The following NPAS2 variants were observed in gnomAD, a reference collection of about 807,000 sequenced individuals.
NPAS2 encodes neuronal PAS domain protein 2, also known as neuronal PAS domain-containing protein 2.
Under a neutral mutation model 107.5 loss-of-function variants are expected in NPAS2, and 23 were observed. The observed-to-expected ratio is 0.21, with a 90% CI of 0.15 to 0.30. The LOEUF is 0.30. Among genes scored for constraint, NPAS2 ranks in the 10% least tolerant of loss-of-function variants. The pLI, the probability that NPAS2 is intolerant of heterozygous loss-of-function variation, is 1.00. For missense variants in NPAS2, 756 were observed against 1,043.3 expected (o/e 0.72, Z 3.79); for synonymous variants, 403 against 417.5 (o/e 0.97, Z 0.42).
intron 1 of NPAS2, among the ~76,000 whole-genome samples, chr2:100,887,809 C>T (rs1680805573): frequency 6.6e-6 from 1 of 152,136 alleles, no homozygotes; most frequent in South Asian, 2.1e-4. Context: ...AGGGCCTGGG[C>T]TGGTGCCGGC....
At chr2:100,911,264 C>T (rs1277155136) in intron 2 of NPAS2, among the ~76,000 whole-genome samples, 1 of 152,154 alleles carries the variant, frequency 6.6e-6, no homozygotes, top group Non-Finnish European at 1.5e-5. Flanking sequence ...CCCCTTTCTT[C>T]AAGTAATTCT....
intron 17 of NPAS2, 93 bp downstream of exon 17, chr2:100,988,369 A>G (rs1558944290): frequency 9.9e-7 from 1 of 1,009,208 alleles, no homozygotes; most frequent in Non-Finnish European, 1.5e-6. Flanking sequence ...GCCTACGTGA[A>G]CTGAGGCCTA....
intron 10 of NPAS2, among the ~76,000 whole-genome samples, chr2:100,967,022 A>G (rs2105169450): frequency 6.6e-6 from 1 of 152,270 alleles, no homozygotes; most frequent in Non-Finnish European, 1.5e-5. Flanking sequence ...GTCTAGGACC[A>G]CACTGCATAG....
chr2:100,974,957 C>T lies in NPAS2; in HGVS notation c.1282+13C>T, dbSNP rs1354600663. On this transcript the variant is annotated intron_variant, in intron 13 of 20. Coordinates refer to ENST00000335681, the MANE Select transcript of NPAS2 (RefSeq NM_002518.4). ...TCAGAACCCACCTGTGAGTGCGAGT[C>T]CATGGATGGGGAGTGGGATGTCCAC... is the stretch of plus-strand genomic sequence containing the variant. 6.2e-7 allele frequency: 1 copy of T among 1,613,226 alleles called. No homozygotes were observed. Among genetic ancestry groups the T allele is most frequent in the African/African-American group, 1.3e-5 (1 of 74,906 alleles).
intron 14 of NPAS2, 53 bp from the exon 15 acceptor site, chr2:100,977,657 T>C: frequency 6.7e-7 from 1 of 1,489,750 alleles, no homozygotes; most frequent in Non-Finnish European, 9.4e-7. Context: ...ACCACATCCC[T>C]GTCCCCTGGA....
intron 13 of NPAS2, chr2:100,975,170 G>T: frequency 1.7e-6 from 1 of 595,924 alleles, no homozygotes; most frequent in Non-Finnish European, 3.0e-6. Flanking sequence ...AGTGGGTTGT[G>T]CACAGATCTG....
chr2:100,987,972 C>T lies in NPAS2; in HGVS notation c.1630-107C>T. 6 of 1,176,590 alleles carry T rather than the reference C, an allele frequency of 5.1e-6. No homozygotes were observed. In the South Asian group the frequency reaches 7.0e-5, roughly 14 times the overall value. The allele number at this position is 1,176,590 out of a possible 1,614,324, so 72.9% of individuals were successfully genotyped here. ...GTGGAGTAAATGAACTATTTCTAGGCAGCTCAGAGCAAGAAAGTTCTTACT... is the reference window on the plus strand; with the variant it reads ...GTGGAGTAAATGAACTATTTCTAGGTAGCTCAGAGCAAGAAAGTTCTTACT... On this transcript the variant is annotated intron_variant, in intron 16 of 20. Transcript: ENST00000335681.
chr2:100,880,749 GT>G (rs1313634745), intron 1 of NPAS2, among the ~76,000 whole-genome samples: 1 of 152,056 alleles, frequency 6.6e-6, no homozygotes, highest in East Asian at 1.9e-4. Context: ...TTAATTCTAT[GT>G]TATGTGAATT....
chr2:100,868,848 G>C (rs1272260611), intron 1 of NPAS2, among the ~76,000 whole-genome samples: 1 of 151,920 alleles, frequency 6.6e-6, no homozygotes, highest in East Asian at 1.9e-4. Context: ...AAATTGCTTG[G>C]TCTTCATTTT....
intron 19 of NPAS2, among the ~76,000 whole-genome samples, chr2:100,992,731 T>C (rs965129805): frequency 6.6e-6 from 1 of 152,222 alleles, no homozygotes; most frequent in Admixed American, 6.5e-5. Flanking sequence ...CAGGTTCTCT[T>C]TGGAGAAATG....
intron 1 of NPAS2, among the ~76,000 whole-genome samples, chr2:100,862,754 C>A (rs1303284191): frequency 2.0e-5 from 3 of 152,156 alleles, no homozygotes; most frequent in African/African-American, 7.2e-5. Context: ...GCTTTAGATT[C>A]TATGTGGAAA....
chr2:100,855,573 C>T (rs907142233), intron 1 of NPAS2, among the ~76,000 whole-genome samples: 2 of 152,226 alleles, frequency 1.3e-5, no homozygotes, highest in African/African-American at 2.4e-5. Context: ...ATTCCACAAT[C>T]CAGATGTGAG....
intron 7 of NPAS2, among the ~76,000 whole-genome samples, chr2:100,963,355 G>A (rs1044025637): frequency 4.6e-5 from 7 of 152,108 alleles, no homozygotes; most frequent in Non-Finnish European, 8.8e-5. Flanking sequence ...TATTCAAACC[G>A]TTACTGCAGA....
chr2:100,926,360 C>T (rs1190404986), intron 3 of NPAS2, among the ~76,000 whole-genome samples: 1 of 152,162 alleles, frequency 6.6e-6, no homozygotes, highest in Non-Finnish European at 1.5e-5. Context: ...AACTGTTTTC[C>T]AAGGTGGCTT....
At chr2:100,989,589 A>G (rs1173209389) in intron 17 of NPAS2, 1 of 152,100 alleles carries the variant, frequency 6.6e-6, no homozygotes, top group Non-Finnish European at 1.5e-5. Flanking sequence ...TAGACAGAAA[A>G]CCCAAAGCAG....
chr2:100,920,661 G>A (rs1358601652), intron 2 of NPAS2, among the ~76,000 whole-genome samples: 1 of 152,220 alleles, frequency 6.6e-6, no homozygotes, highest in Non-Finnish European at 1.5e-5. Flanking sequence ...CAAGGACCCA[G>A]GCTGACAGAG....
chr2:100,849,361 A>G (rs1302612541), intron 1 of NPAS2, among the ~76,000 whole-genome samples: 1 of 152,216 alleles, frequency 6.6e-6, no homozygotes, highest in African/African-American at 2.4e-5. Context: ...AGGGGAGGAC[A>G]GTGGCAGCAG....
rs540981383 is a variant in NPAS2, at chr2:100,910,483, C to T, written c.32+5697C>T. Among the ~76,000 whole-genome samples, 14 of 151,206 alleles carry T rather than the reference C, an allele frequency of 9.3e-5. No homozygotes were observed. The East Asian group carries it at 1.8e-3, about 19-fold the overall frequency. Reference sequence around the variant, plus strand: ...GTGAGGATGGTATCAGCCCTTCCTGCTGGGGCAACTTTTCTCCCCACACAG... The same window carrying T: ...GTGAGGATGGTATCAGCCCTTCCTGTTGGGGCAACTTTTCTCCCCACACAG... On this transcript the variant is annotated intron_variant, in intron 2 of 20. Transcript: ENST00000335681.
At chr2:100,936,851 A>G (rs1684332390) in intron 4 of NPAS2, among the ~76,000 whole-genome samples, 1 of 151,940 alleles carries the variant, frequency 6.6e-6, no homozygotes, top group African/African-American at 2.4e-5. Flanking sequence ...GCCTGGTGGC[A>G]TGTGCCTGTA....
Sources: gnomAD v4.1 joint callset for allele counts (sites outside exome capture counted in the v4.1 genomes callset) on GRCh38, gnomAD v4.1.1 for gene constraint, MANE v1.5 for transcripts, NCBI Gene and HGNC (gene_info 2026-07-23, HGNC 2026-07-21) for gene names.